PPP1R10: variants seen among roughly 807,000 people sequenced by gnomAD.
The protein encoded by PPP1R10 is serine/threonine-protein phosphatase 1 regulatory subunit 10.
PPP1R10 carries 15 observed loss-of-function variants against 99.0 expected under a neutral mutation model. The observed-to-expected ratio is 0.15, with a 90% CI of 0.10 to 0.23. PPP1R10 has a LOEUF of 0.23. Among genes scored for constraint, PPP1R10 ranks in the 10% least tolerant of loss-of-function variants. The pLI, the probability that PPP1R10 is intolerant of heterozygous loss-of-function variation, is 1.00. For missense variants in PPP1R10, 947 were observed against 1,259.4 expected, an observed-to-expected ratio of 0.75 and a Z score of 3.75; for synonymous variants, 430 against 449.5, an observed-to-expected ratio of 0.96 and a Z score of 0.55.
chr6:30,611,947 C>T (rs1040347476), intron 2 of PPP1R10, among the ~76,000 whole-genome samples: 3 of 152,110 alleles, frequency 2.0e-5, no homozygotes, highest in Non-Finnish European at 2.9e-5. Flanking sequence ...GTATTCTTCC[C>T]ATGTAGTGAG....
chr6:30,609,722 A>T lies in PPP1R10; in HGVS notation c.107+116T>A. 1 of 881,704 alleles carries T rather than the reference A, an allele frequency of 1.1e-6. No individual in the cohort carries two copies. The highest frequency in any genetic ancestry group is 1.9e-6 in the Non-Finnish European group (1 of 534,570). The allele number at this position is 881,704 out of a possible 1,614,324, so 54.6% of individuals were successfully genotyped here. A position where few individuals can be genotyped will look rare whatever the true frequency, so the allele number is the denominator to read the frequency against. ...AATTGTTACATTTTAATCCTATTGC[A>T]CTGACTATCTTTCCCTTTCCTTTCC... is the stretch of plus-strand genomic sequence containing the variant. On this transcript the variant is annotated intron_variant, in intron 3 of 19. Transcript: ENST00000376511. The surrounding 1 kb of genome is among the most constrained non-coding windows in gnomAD (Gnocchi z 4.5).
At position 30,601,403 on chromosome 6, in the gene PPP1R10, A is replaced by G; in HGVS notation, c.*146T>C. 1 of 655,176 alleles carries G rather than the reference A, an allele frequency of 1.5e-6. No individual in the cohort carries two copies. Among genetic ancestry groups the G allele is most frequent in the Non-Finnish European group, 2.7e-6 (1 of 375,990 alleles). 40.6% of individuals were successfully genotyped at this position (655,176 alleles called of 1,614,324 possible). A position where few individuals can be genotyped will look rare whatever the true frequency, so the allele number is the denominator to read the frequency against. ...GCGCACCAGTGATCAGAAAACCCCC[A>G]GGAACCCAAGCAAGTGGGAACTGAG... On this transcript the variant is annotated 3_prime_UTR_variant, in exon 20 of 20. Transcript: ENST00000376511.
intron 2 of PPP1R10, chr6:30,614,416 TCAC>T (rs2127452606): frequency 6.6e-6 from 1 of 152,298 alleles, no homozygotes; most frequent in South Asian, 2.1e-4. Context: ...TCCTAAAGAT[TCAC>T]TTCTTATCCT....
chr6:30,614,038 C>G (rs915847056), intron 2 of PPP1R10, among the ~76,000 whole-genome samples: 1 of 152,124 alleles, frequency 6.6e-6, no homozygotes, highest in African/African-American at 2.4e-5. Flanking sequence ...TGCCTAGAAC[C>G]TCCACGCTTC....
At chr6:30,601,821 AAG>A in intron 19 of PPP1R10, 113 bp downstream of exon 19, 1 of 1,373,266 alleles carries the variant, frequency 7.3e-7, no homozygotes, top group Non-Finnish European at 9.7e-7. Context: ...TAGGACATCA[AAG>A]AGACGGGTAC....
At chr6:30,612,894 T>C (rs550354439) in intron 2 of PPP1R10, among the ~76,000 whole-genome samples, 149 of 152,278 alleles carry the variant, frequency 9.8e-4, no homozygotes, top group African/African-American at 3.2e-3. Context: ...CTACTCAAGA[T>C]CTGGAGTCTA....
At chr6:30,607,994 TTTTTTA>T (rs1214567924) in intron 5 of PPP1R10, 103 bp from the exon 6 acceptor site, 112 of 1,236,588 alleles carry the variant, frequency 9.1e-5, no homozygotes, top group East Asian at 2.9e-4. Context: ...TTTTTTTTTT[TTTTTTA>T]TTTTTTGAGA....
In PPP1R10 at chr6:30,606,641, T is replaced by C; in HGVS notation, c.461A>G (p.Glu154Gly). 6.2e-7 allele frequency: 1 copy of C among 1,614,082 alleles called. No homozygotes were observed. The highest frequency in any genetic ancestry group is 8.5e-7 in the Non-Finnish European group (1 of 1,180,014). Reference protein sequence around the residue: ...IRSQSSTQPAEKDKKKRKDEG... With the variant: ...IRSQSSTQPAGKDKKKRKDEG... Reference sequence around the variant, plus strand: ...ATCTTTACGTTTCTTCTTATCTTTCTCTGTTGTGAAAAAACAAAGCAGAAA... The same window carrying C: ...ATCTTTACGTTTCTTCTTATCTTTCCCTGTTGTGAAAAAACAAAGCAGAAA... The change falls in exon 8 of 20, where the codon GAG (glutamate) becomes GGG (glycine). Residue 154 changes from glutamate to glycine, a missense_variant and splice_region_variant. By Grantham distance (98) the Glu-to-Gly change is moderately conservative. Around this residue, in one of 10 missense-constraint regions of PPP1R10, gnomAD observed 92 missense variants for 159.2 expected, o/e 0.58. Transcript: ENST00000376511. This position sits in a 1 kb window ranked among gnomAD's most constrained non-coding sequence, Gnocchi z 6.3.
chr6:30,603,243 G>T lies in PPP1R10; in HGVS notation c.1810C>A (p.Pro604Thr). 1 of 1,613,908 alleles carries T rather than the reference G, an allele frequency of 6.2e-7. No individual in the cohort carries two copies. Among genetic ancestry groups the T allele is most frequent in the Admixed American group, 1.7e-5 (1 of 60,018 alleles). ...TGCTTGATCTTGTCCGAATAGTCTG[G>T]TTGTTTCAGTAGTTCCTCTGAAGGA... ...SHPSEELLKQ[P>T]DYSDKIKQML... is the part of the protein sequence containing the mutation. Residue 604 changes from proline to threonine, a missense_variant, in exon 17 of 20, where the codon CCA becomes ACA. Physicochemically the swap from Pro to Thr is conservative, Grantham distance 38. Transcript: ENST00000376511.
Position 30,601,717 on chromosome 6 carries a change from A to G in PPP1R10, c.2714-59T>C, listed in dbSNP as rs573068601. On this transcript the variant is annotated intron_variant, in intron 19 of 19. Coordinates refer to ENST00000376511, the MANE Select transcript of PPP1R10 (RefSeq NM_002714.4). Reference sequence around the variant, plus strand: ...AATAGCTGAGGGCAATGCCACCCTCACCACCCCTTGTCCATGACATCCTGA... The same window carrying G: ...AATAGCTGAGGGCAATGCCACCCTCGCCACCCCTTGTCCATGACATCCTGA... 13 of 1,476,486 alleles carry G rather than the reference A, an allele frequency of 8.8e-6. No individual in the cohort carries two copies. In the East Asian group the frequency reaches 1.1e-4, roughly 13 times the overall value. 91.5% of individuals were successfully genotyped at this position (1,476,486 alleles called of 1,614,324 possible). A position where few individuals can be genotyped will look rare whatever the true frequency, so the allele number is the denominator to read the frequency against.
At position 30,603,241 on chromosome 6, in the gene PPP1R10, T is replaced by C. The variant is rs2127437255; in HGVS notation, c.1812A>G (p.Pro604=). The C allele has an allele frequency of 6.2e-7, 1 of 1,613,918 alleles. No homozygotes were observed. The highest frequency in any genetic ancestry group is 1.3e-5 in the African/African-American group (1 of 75,054). ...TCTGCTTGATCTTGTCCGAATAGTC[T>C]GGTTGTTTCAGTAGTTCCTCTGAAG... ...SHPSEELLKQ[P]DYSDKIKQML... is the part of the protein sequence containing the mutation. Residue 604 remains proline (P), a synonymous_variant, in exon 17 of 20, where the codon CCA becomes CCG. Transcript: ENST00000376511.
rs920144303 is a variant in PPP1R10 at position 30,602,503 on chromosome 6, G to C, written c.2146C>G (p.Pro716Ala). The C allele has an allele frequency of 1.3e-6, 2 of 1,575,298 alleles. No homozygotes were observed. The highest frequency in any genetic ancestry group is 8.6e-7 in the Non-Finnish European group (1 of 1,158,608). Residue 716 changes from proline to alanine, a missense_variant, in exon 19 of 20, where the codon CCT (proline) becomes GCT (alanine). Physicochemically the swap from Pro to Ala is conservative, Grantham distance 27. Coordinates refer to ENST00000376511, the MANE Select transcript of PPP1R10 (RefSeq NM_002714.4). The surrounding 1 kb of genome is among the most constrained non-coding windows in gnomAD (Gnocchi z 6.7). ...GRGGRGGNEPPPPPPPFRGAR... is the reference protein window; with the variant it reads ...GRGGRGGNEPAPPPPPFRGAR... ...CCTCGGAATGGAGGAGGAGGAGGAG[G>C]AGGTTCGTTTCCTCCTCGGCCACCT...
At chr6:30,611,412 A>C (rs1374121651) in intron 2 of PPP1R10, among the ~76,000 whole-genome samples, 1 of 152,242 alleles carries the variant, frequency 6.6e-6, no homozygotes, top group Non-Finnish European at 1.5e-5. Context: ...AGGCAAGAAC[A>C]AAACCTTCCT....
At chr6:30,607,979 C>T (rs1804122212) in intron 5 of PPP1R10, 88 bp from the exon 6 acceptor site, 6 of 1,293,416 alleles carry the variant, frequency 4.6e-6, no homozygotes, top group Admixed American at 2.2e-5. Flanking sequence ...TACAGTCCTC[C>T]CTGCTTTTTT....
At chr6:30,603,152 C>A (rs1803549820) in intron 17 of PPP1R10, 58 bp downstream of exon 17, 1 of 1,543,706 alleles carries the variant, frequency 6.5e-7, no homozygotes, top group African/African-American at 1.4e-5. Flanking sequence ...ACCCTGCTTC[C>A]CCCAACTCCA....
At chr6:30,611,158 G>A (rs1804514326) in intron 2 of PPP1R10, among the ~76,000 whole-genome samples, 1 of 152,066 alleles carries the variant, frequency 6.6e-6, no homozygotes, top group Non-Finnish European at 1.5e-5. Flanking sequence ...AACATAAGTC[G>A]AGTGTGATGG....
intron 2 of PPP1R10, 82 bp downstream of exon 2, chr6:30,616,393 TTTC>T (rs1424217787): frequency 6.6e-6 from 1 of 152,650 alleles, no homozygotes; most frequent in Non-Finnish European, 1.5e-5. Flanking sequence ...TATGGTCTCA[TTTC>T]TTCCTCTCAT....
In PPP1R10 at chr6:30,609,243, TA is replaced by T; in HGVS notation, c.108-81del. ...CAAAAGCGCCTCTCTGTGAACTGCC[TA>T]GAGATTCCTAATGACTTGGGACTTT... On this transcript the variant is annotated intron_variant, in intron 3 of 19. Transcript: ENST00000376511. The surrounding 1 kb of genome is among the most constrained non-coding windows in gnomAD (Gnocchi z 4.5). 1 of 1,290,514 alleles carries T rather than the reference TA, an allele frequency of 7.7e-7. No homozygotes were observed. Among genetic ancestry groups the T allele is most frequent in the Non-Finnish European group, 1.1e-6 (1 of 897,120 alleles). The allele number at this position is 1,290,514 out of a possible 1,614,324, so 79.9% of individuals were successfully genotyped here. A position where few individuals can be genotyped will look rare whatever the true frequency, so the allele number is the denominator to read the frequency against.
In PPP1R10 at chr6:30,608,926, C is replaced by T; in HGVS notation, c.195-12G>A. ...CAACGTCAATAAATCTGCAGGCAGG[C>T]AGGAGAGTCTATCAGTAATGCCCTT... On this transcript the variant is annotated splice_polypyrimidine_tract_variant and intron_variant, in intron 4 of 19. Transcript: ENST00000376511. 1.4e-5 allele frequency: 22 copies of T among 1,614,070 alleles called. No individual in the cohort carries two copies. The highest frequency in any genetic ancestry group is 1.8e-5 in the Non-Finnish European group (21 of 1,179,972).
Sources: allele counts gnomAD v4.1 joint callset (sites outside exome capture counted in the v4.1 genomes callset), GRCh38; gene constraint gnomAD v4.1.1; regional missense constraint gnomAD v4.1.1; non-coding constraint Gnocchi (gnomAD v3.1); transcripts MANE v1.5; gene names NCBI Gene and HGNC (gene_info 2026-07-23, HGNC 2026-07-21).